The following QKI variants were observed in gnomAD, a reference collection of about 807,000 sequenced individuals.
QKI encodes KH domain-containing RNA-binding protein QKI.
QKI carries 10 observed loss-of-function variants against 39.0 expected under a neutral mutation model. That is an observed-to-expected ratio of 0.26 (90% CI 0.16 to 0.43). The LOEUF is 0.43. Ranked by LOEUF, QKI falls within the 20% of genes least tolerant of loss-of-function variation. The pLI is 1.00. For missense variants in QKI, 218 were observed against 428.0 expected (o/e 0.51, Z 4.33); for synonymous variants, 204 against 155.4 (o/e 1.31, Z -2.33).
intron 3 of QKI, among the ~76,000 whole-genome samples, chr6:163,519,636 AT>A (rs2128237245): frequency 6.6e-6 from 1 of 151,956 alleles, no homozygotes; most frequent in South Asian, 2.1e-4. Flanking sequence ...CTTTAATACT[AT>A]TTTAGAATAC....
Position 163,524,413 on chromosome 6 carries a change from G to A in QKI, c.403-10569G>A, listed in dbSNP as rs541620781. Reference sequence around the variant, plus strand: ...TTTCTAAATTATAACCGCTAGTCATGTCATTTTATTTGTTGTTCAGTCATC... The same window carrying A: ...TTTCTAAATTATAACCGCTAGTCATATCATTTTATTTGTTGTTCAGTCATC... On this transcript the variant is annotated intron_variant, in intron 3 of 7. Transcript: ENST00000361752. 4.6e-5 allele frequency among the ~76,000 whole-genome samples: 7 copies of A among 152,124 alleles called. No homozygotes were observed. In the East Asian group the frequency reaches 9.6e-4, roughly 21 times the overall value.
At chr6:163,494,804 A>G (rs1417504250) in intron 3 of QKI, among the ~76,000 whole-genome samples, 1 of 152,082 alleles carries the variant, frequency 6.6e-6, no homozygotes, top group Non-Finnish European at 1.5e-5. Context: ...ACTGTGTGTG[A>G]TGTGCCTTAT....
intron 3 of QKI, among the ~76,000 whole-genome samples, chr6:163,523,702 ATT>A (rs952633573): frequency 2.6e-5 from 4 of 152,242 alleles, no homozygotes; most frequent in Non-Finnish European, 4.4e-5. Context: ...AGAAATTAAT[ATT>A]TTAAAAACTG....
chr6:163,522,931 C>G (rs1388435895), intron 3 of QKI, among the ~76,000 whole-genome samples: 1 of 151,802 alleles, frequency 6.6e-6, no homozygotes, highest in African/African-American at 2.4e-5. Flanking sequence ...TCGCAACCTA[C>G]CAACTACAAA....
At chr6:163,440,952 C>G (rs774937339) in intron 1 of QKI, among the ~76,000 whole-genome samples, 1 of 151,386 alleles carries the variant, frequency 6.6e-6, no homozygotes, top group Non-Finnish European at 1.5e-5. Flanking sequence ...AATTAAAAAG[C>G]TTTTATTTTA....
intron 4 of QKI, among the ~76,000 whole-genome samples, chr6:163,544,532 A>T (rs1781749317): frequency 6.6e-6 from 1 of 152,078 alleles, no homozygotes; most frequent in Non-Finnish European, 1.5e-5. Context: ...CATCACTTAC[A>T]CTTTGCGTGC....
intron 3 of QKI, among the ~76,000 whole-genome samples, chr6:163,498,949 A>G (rs1282766930): frequency 6.6e-6 from 1 of 152,246 alleles, no homozygotes; most frequent in East Asian, 1.9e-4. Context: ...ATGAGACCGA[A>G]TACTAAACAC....
At chr6:163,564,293 C>A in intron 6 of QKI, 1 of 1,002,900 alleles carries the variant, frequency 1.0e-6, no homozygotes, top group Non-Finnish European at 1.2e-6. Context: ...TGGTGTACAT[C>A]ATAGAGTGTA....
In QKI at chr6:163,575,939, G is replaced by A. The variant is rs1301958824; in HGVS notation, c.*5229G>A. On this transcript the variant is annotated 3_prime_UTR_variant, in exon 8 of 8. Coordinates refer to ENST00000361752, the MANE Select transcript of QKI (RefSeq NM_006775.3). ...GCCTGTCTTTATTCCTTGATAAGAA[G>A]TAGCTGTTACAGCATTTCAAGCAAA... The A allele has an allele frequency of 1.3e-5, 2 of 152,088 alleles. No individual in the cohort carries two copies. Among genetic ancestry groups the A allele is most frequent in the Non-Finnish European group, 2.9e-5 (2 of 68,000 alleles). The allele number at this position is 152,088 out of a possible 1,614,324, so 9.4% of individuals were successfully genotyped here. A position where few individuals can be genotyped will look rare whatever the true frequency, so the allele number is the denominator to read the frequency against.
At chr6:163,510,313 C>A (rs1056752959) in intron 3 of QKI, among the ~76,000 whole-genome samples, 3 of 151,554 alleles carry the variant, frequency 2.0e-5, no homozygotes, top group African/African-American at 7.3e-5. Flanking sequence ...AATCCCAACA[C>A]TTTGGGAGGC....
intron 1 of QKI, among the ~76,000 whole-genome samples, chr6:163,431,310 T>C (rs952543132): frequency 7.2e-5 from 11 of 152,218 alleles, no homozygotes; most frequent in Non-Finnish European, 1.5e-4. Context: ...TAATGAATTT[T>C]GTCTAACTCA....
rs751570501 is a variant in QKI, at chr6:163,415,143, CCGGCGGCGGCGG to C, written c.-38_-27del. On this transcript the variant is annotated 5_prime_UTR_variant, in exon 1 of 8. Coordinates refer to ENST00000361752, the MANE Select transcript of QKI (RefSeq NM_006775.3). ...GCTCGCCCCCGCCCCTCCCTCCTCTCCGGCGGCGGCGGCGGCGGCGGCGGGCGGAGTGAGCTG... is the reference window on the plus strand; with the variant it reads ...GCTCGCCCCCGCCCCTCCCTCCTCTCCGGCGGCGGCGGGCGGAGTGAGCTG... The C allele has an allele frequency of 9.9e-5, 135 of 1,357,114 alleles. No homozygotes were observed. Among genetic ancestry groups the C allele is most frequent in the Non-Finnish European group, 1.2e-4 (123 of 1,030,396 alleles). The allele number at this position is 1,357,114 out of a possible 1,614,324, so 84.1% of individuals were successfully genotyped here. A position where few individuals can be genotyped will look rare whatever the true frequency, so the allele number is the denominator to read the frequency against.
At position 163,420,177 on chromosome 6, in the gene QKI, GT is replaced by G. The variant is rs576075731; in HGVS notation, c.142+4849del. On this transcript the variant is annotated intron_variant, in intron 1 of 7. Coordinates refer to ENST00000361752, the MANE Select transcript of QKI (RefSeq NM_006775.3). ...TTCTTTTTTTTTTTTTTTTTTGGTG[GT>G]TTTTTTCTTTCCTTTTTTTTTTTTA... Among the ~76,000 whole-genome samples the G allele has an allele frequency of 6.1e-5, 8 of 131,808 alleles. No individual in the cohort carries two copies. The East Asian group carries it at 1.3e-3, about 22-fold the overall frequency. 86.5% of individuals were successfully genotyped at this position (131,808 alleles called of 152,430 possible).
chr6:163,467,626 C>T (rs1325257801), intron 2 of QKI, among the ~76,000 whole-genome samples: 1 of 152,084 alleles, frequency 6.6e-6, no homozygotes. Context: ...AAAGGTTTTG[C>T]CAAATGTTTC....
At chr6:163,542,526 T>C (rs924864640) in intron 4 of QKI, among the ~76,000 whole-genome samples, 4 of 151,992 alleles carry the variant, frequency 2.6e-5, no homozygotes, top group Admixed American at 6.6e-5. Flanking sequence ...GGAGATAGAG[T>C]ACTAAGCTTG....
chr6:163,429,838 C>T (rs1476056598), intron 1 of QKI, among the ~76,000 whole-genome samples: 3 of 151,932 alleles, frequency 2.0e-5, no homozygotes, highest in Non-Finnish European at 2.9e-5. Context: ...AATATGTGTG[C>T]GATGTTATGA....
Position 163,575,668 on chromosome 6 carries a change from C to T in QKI, c.*4958C>T, listed in dbSNP as rs117307292. On this transcript the variant is annotated 3_prime_UTR_variant, in exon 8 of 8. Transcript: ENST00000361752. ...TGCCCATAAAACCAGGATGTGCATA[C>T]GTACACACAATCGGTGTCTGGTTAT... 43 of 152,264 alleles carry T rather than the reference C, an allele frequency of 2.8e-4. No individual in the cohort carries two copies. The East Asian group carries it at 7.5e-3, about 27-fold the overall frequency. 9.4% of individuals were successfully genotyped at this position (152,264 alleles called of 1,614,324 possible).
intron 1 of QKI, among the ~76,000 whole-genome samples, chr6:163,450,107 T>C (rs1790443055): frequency 6.6e-6 from 1 of 152,100 alleles, no homozygotes; most frequent in African/African-American, 2.4e-5. Context: ...ACCCAGACTG[T>C]AGTGCAGTGG....
chr6:163,487,204 A>G (rs1777738735), intron 3 of QKI, among the ~76,000 whole-genome samples: 1 of 151,360 alleles, frequency 6.6e-6, no homozygotes, highest in South Asian at 2.1e-4. Flanking sequence ...CGTTTTCATT[A>G]TGCAAAATTT....
Sources: allele counts gnomAD v4.1 joint callset (sites outside exome capture counted in the v4.1 genomes callset), GRCh38; gene constraint gnomAD v4.1.1; transcripts MANE v1.5; gene names NCBI Gene and HGNC (gene_info 2026-07-23, HGNC 2026-07-21).